Variants in PACRGL observed in about 807,000 individuals in gnomAD.
PACRGL encodes parkin coregulated like.
Under a neutral mutation model 34.5 loss-of-function variants are expected in PACRGL, and 38 were observed. The observed-to-expected ratio is 1.10, with a 90% CI of 0.85 to 1.44. The LOEUF (loss-of-function observed/expected upper bound fraction) is 1.44, where lower values mean the gene tolerates loss of function less well. Ranked by LOEUF, PACRGL falls within the 40% of genes most tolerant of loss-of-function variation. The probability of loss-of-function intolerance (pLI) is 0.00; values close to 1 mark genes in which losing one functional copy is unlikely to be tolerated. For missense variants in PACRGL, 305 were observed against 281.4 expected (o/e 1.08, Z -0.60); for synonymous variants, 128 against 100.1 (o/e 1.28, Z -1.66).
intron 1 of PACRGL, among the ~76,000 whole-genome samples, chr4:20,703,399 A>C (rs1197340818): frequency 6.6e-6 from 1 of 152,084 alleles, no homozygotes; most frequent in African/African-American, 2.4e-5. Context: ...ACATTTGAGA[A>C]ACCAAGATGA....
At chr4:20,709,944 T>G in intron 5 of PACRGL, 171 bp downstream of exon 5, 1 of 521,810 alleles carries the variant, frequency 1.9e-6, no homozygotes, top group Non-Finnish European at 3.4e-6. Flanking sequence ...TCTTATATAG[T>G]TATTTGAAAT....
At chr4:20,698,424 CT>C (rs1489444243), upstream of PACRGL, among the ~76,000 whole-genome samples, 6 of 152,146 alleles carry the variant, frequency 3.9e-5, no homozygotes, top group Admixed American at 3.3e-4. Context: ...GAAGGTATTA[CT>C]CCTATCGCCC....
the PACRGL span, among the ~76,000 whole-genome samples, chr4:20,759,808 G>A: frequency 2.2e-3 from 338 of 152,270 alleles, 7 homozygotes; most frequent in South Asian, 0.043. Context: ...GGCCCCTTGA[G>A]TGGTGGAGAC....
rs777406505 is a variant in PACRGL, at chr4:20,707,846, A to G, written c.251A>G (p.Tyr84Cys). 2 of 1,613,558 alleles carry G rather than the reference A, an allele frequency of 1.2e-6. No individual in the cohort carries two copies. Among genetic ancestry groups the G allele is most frequent in the Non-Finnish European group, 1.7e-6 (2 of 1,179,556 alleles). The change falls in exon 4 of 9, where the codon TAC becomes TGC. Residue 84 changes from tyrosine (Y) to cysteine (C), a missense_variant. Transcript: ENST00000503585. ...GTGCCTTCTGCATTTGCAGCTATTT[A>G]CTCTAAAGGAGGTATTCCTTGCAGG... ...SRVPSAFAAI[Y>C]SKGGIPCRLV...
At chr4:20,703,654 G>C (rs1462962457) in intron 1 of PACRGL, among the ~76,000 whole-genome samples, 1 of 152,142 alleles carries the variant, frequency 6.6e-6, no homozygotes, top group East Asian at 1.9e-4. Context: ...TTCCCTGGGT[G>C]AGTAACTTGA....
chr4:20,721,929 T>G (rs1375201047), intron 7 of PACRGL, among the ~76,000 whole-genome samples: 3 of 152,074 alleles, frequency 2.0e-5, no homozygotes, highest in Admixed American at 1.3e-4. Flanking sequence ...AGAGGTGGAG[T>G]CTACAGAGGC....
upstream of PACRGL, chr4:20,700,368 G>A (rs1437711355): frequency 6.6e-6 from 1 of 152,210 alleles, no homozygotes; most frequent in African/African-American, 2.4e-5. Flanking sequence ...GCGCCTCCGC[G>A]ACCTCTTACC....
the PACRGL span, among the ~76,000 whole-genome samples, chr4:20,763,040 C>T: frequency 2.0e-5 from 3 of 152,102 alleles, no homozygotes; most frequent in African/African-American, 7.2e-5. Context: ...ATCACGAGAA[C>T]AGCATGGGGG....
At chr4:20,719,626 G>A (rs1047247833) in intron 7 of PACRGL, among the ~76,000 whole-genome samples, 2 of 152,238 alleles carry the variant, frequency 1.3e-5, no homozygotes, top group Non-Finnish European at 2.9e-5. Context: ...CAGTTTCCAT[G>A]TAGTTGAGCG....
rs1747492572 is a variant in PACRGL, at chr4:20,729,833, CTTTTGAATATTCACAGA to C, written c.*2493_*2509del. Reference sequence around the variant, plus strand: ...TAAAACTATATGCCAGATTCTATTACTTTTGAATATTCACAGAGTATGAAATGAGTTAGACCATCCCC... The same window carrying C: ...TAAAACTATATGCCAGATTCTATTACGTATGAAATGAGTTAGACCATCCCC... On this transcript the variant is annotated 3_prime_UTR_variant, in exon 9 of 9. Coordinates refer to ENST00000503585, the MANE Select transcript of PACRGL (RefSeq NM_001258345.3). The C allele has an allele frequency of 5.4e-6, 2 of 372,336 alleles. No individual in the cohort carries two copies. The highest frequency in any genetic ancestry group is 9.6e-6 in the Non-Finnish European group (2 of 208,890). 23.1% of individuals were successfully genotyped at this position (372,336 alleles called of 1,614,324 possible).
intron 7 of PACRGL, among the ~76,000 whole-genome samples, chr4:20,715,418 TATA>T (rs1449373829): frequency 2.6e-5 from 4 of 151,874 alleles, no homozygotes; most frequent in African/African-American, 4.8e-5. Flanking sequence ...AAACTTAAAG[TATA>T]ATAATAATAA....
In PACRGL at chr4:20,730,248, C is replaced by CAAAT; in HGVS notation, c.*2909_*2912dup. 1 of 1,279,036 alleles carries CAAAT rather than the reference C, an allele frequency of 7.8e-7. No homozygotes were observed. The highest frequency in any genetic ancestry group is 1.8e-5 in the South Asian group (1 of 56,802). 79.2% of individuals were successfully genotyped at this position (1,279,036 alleles called of 1,614,324 possible). A position where few individuals can be genotyped will look rare whatever the true frequency, so the allele number is the denominator to read the frequency against. The stretch of plus-strand genomic sequence containing the variant: ...ACCTCAACCACCTATGCCAAAAGCT[C>CAAAT]AAATATTAAGTGTTTGCAAATGTAA... On this transcript the variant is annotated 3_prime_UTR_variant, in exon 9 of 9. Coordinates refer to ENST00000503585, the MANE Select transcript of PACRGL (RefSeq NM_001258345.3).
At position 20,740,503 on chromosome 4, in the gene PACRGL, C is replaced by A. The variant is rs186344649; in HGVS notation, c.*57-12062C>A. Among the ~76,000 whole-genome samples the A allele has an allele frequency of 2.3e-3, 355 of 152,210 alleles. 8 individuals are homozygous for A. In the South Asian group the frequency reaches 0.046, roughly 20 times the overall value. On this transcript the variant is annotated intron_variant, in intron 8 of 8. Coordinates refer to the PACRGL transcript ENST00000507634. ...TTCATAAGTGAAGGAGAAATAAAATCCTTTACAGACAAGCAAATGCTGAGA... is the reference window on the plus strand; with the variant it reads ...TTCATAAGTGAAGGAGAAATAAAATACTTTACAGACAAGCAAATGCTGAGA...
At chr4:20,700,907 G>T (rs73240220) in intron 1 of PACRGL, 120 bp downstream of exon 1, 81 of 152,310 alleles carry the variant, frequency 5.3e-4, no homozygotes, top group Non-Finnish European at 7.2e-4. Flanking sequence ...TAAGTATCTA[G>T]AAGTGAGTGT....
downstream of PACRGL, among the ~76,000 whole-genome samples, chr4:20,736,422 T>G (rs1373782601): frequency 6.6e-6 from 1 of 152,214 alleles, no homozygotes; most frequent in Non-Finnish European, 1.5e-5. Flanking sequence ...TATTCTAAAC[T>G]AGTTGTTTGT....
Position 20,727,380 on chromosome 4 carries a change from A to T in PACRGL, c.*39A>T. The T allele has an allele frequency of 6.6e-7, 1 of 1,515,782 alleles. No homozygotes were observed. Among genetic ancestry groups the T allele is most frequent in the South Asian group, 1.1e-5 (1 of 88,954 alleles). 93.9% of individuals were successfully genotyped at this position (1,515,782 alleles called of 1,614,324 possible). A position where few individuals can be genotyped will look rare whatever the true frequency, so the allele number is the denominator to read the frequency against. The stretch of plus-strand genomic sequence containing the variant: ...CAAAAATTGTTTTTTCTACCTGTTG[A>T]CGTGTCAAGCACTAACTGTGGGTAC... On this transcript the variant is annotated 3_prime_UTR_variant, in exon 9 of 9. Coordinates refer to ENST00000503585, the MANE Select transcript of PACRGL (RefSeq NM_001258345.3).
chr4:20,741,986 C>T (rs1038167365), intron 8 of PACRGL, among the ~76,000 whole-genome samples: 2 of 152,168 alleles, frequency 1.3e-5, no homozygotes, highest in Non-Finnish European at 2.9e-5. Flanking sequence ...GGATAAATTC[C>T]TGGACACATA....
At position 20,715,589 on chromosome 4, in the gene PACRGL, C is replaced by T. The variant is rs575894760; in HGVS notation, c.609+2050C>T. On this transcript the variant is annotated intron_variant, in intron 7 of 8. Coordinates refer to ENST00000503585, the MANE Select transcript of PACRGL (RefSeq NM_001258345.3). ...GGGTTATAATAAAAAGTAAACCACC[C>T]GGGCGTAGTGGCTCACACCTGTAAT... Among the ~76,000 whole-genome samples the T allele has an allele frequency of 8.6e-4, 131 of 152,008 alleles. No individual in the cohort carries two copies. The Middle Eastern group carries it at 0.014, about 16-fold the overall frequency.
At chr4:20,708,017 G>A (rs1578148433) in intron 4 of PACRGL, 147 bp downstream of exon 4, 2 of 655,802 alleles carry the variant, frequency 3.0e-6, no homozygotes, top group Non-Finnish European at 5.2e-6. Flanking sequence ...TTTTGGACTG[G>A]TATAGATTCC....
Sources: allele counts gnomAD v4.1 joint callset (sites outside exome capture counted in the v4.1 genomes callset), GRCh38; gene constraint gnomAD v4.1.1; transcripts MANE v1.5; gene names NCBI Gene and HGNC (gene_info 2026-07-23, HGNC 2026-07-21).